The following NEO1 variants were observed in gnomAD, a reference collection of about 807,000 sequenced individuals.
NEO1 encodes the protein neogenin.
NEO1 carries 63 observed loss-of-function variants against 159.7 expected under a neutral mutation model. The ratio of observed to expected loss-of-function variants is 0.39; its 90% CI spans 0.32 to 0.49. The LOEUF is 0.49. Among genes scored for constraint, NEO1 ranks in the 20% least tolerant of loss-of-function variants. The pLI, the probability that NEO1 is intolerant of heterozygous loss-of-function variation, is 0.85. For missense variants in NEO1, 1,615 were observed against 1,831.0 expected (o/e 0.88, Z 2.15); for synonymous variants, 633 against 662.0 (o/e 0.96, Z 0.67).
intron 7 of NEO1, chr15:73,222,102 T>A (rs1160444470): frequency 3.2e-5 from 4 of 124,432 alleles, no homozygotes; most frequent in African/African-American, 6.0e-5. Context: ...TTTTTTTTTT[T>A]TTTTTTTTTT....
intron 7 of NEO1, among the ~76,000 whole-genome samples, chr15:73,201,035 A>G (rs1327573145): frequency 6.6e-6 from 1 of 151,950 alleles, no homozygotes; most frequent in Non-Finnish European, 1.5e-5. Context: ...CCTCTTTCAT[A>G]TCTGATATTA....
chr15:73,223,303 TC>T (rs1777028489), intron 7 of NEO1, among the ~76,000 whole-genome samples: 1 of 152,222 alleles, frequency 6.6e-6, no homozygotes, highest in African/African-American at 2.4e-5. Context: ...GTCCATTTGT[TC>T]CAAGGTATAG....
chr15:73,269,021 G>A (rs1355160639), intron 16 of NEO1, among the ~76,000 whole-genome samples: 1 of 152,214 alleles, frequency 6.6e-6, no homozygotes, highest in Non-Finnish European at 1.5e-5. Context: ...CCAGCATGGT[G>A]TCAGCTTACC....
intron 26 of NEO1, among the ~76,000 whole-genome samples, chr15:73,297,077 C>T (rs1336484293): frequency 1.3e-5 from 2 of 152,172 alleles, no homozygotes; most frequent in African/African-American, 2.4e-5. Context: ...CCATCCCTCT[C>T]CTCACAGGTG....
At chr15:73,154,550 G>T (rs2033635080) in intron 5 of NEO1, among the ~76,000 whole-genome samples, 1 of 152,118 alleles carries the variant, frequency 6.6e-6, no homozygotes, top group African/African-American at 2.4e-5. Context: ...GAGTTCAGTT[G>T]TTTTCATTTT....
In NEO1 at chr15:73,122,687, G is replaced by A; in HGVS notation, c.611G>A (p.Gly204Glu). The change falls in exon 3 of 29, where the codon GGA (glycine) becomes GAA (glutamate). Residue 204 changes from glycine to glutamate, a missense_variant. Physicochemically the swap from Gly to Glu is moderately conservative, Grantham distance 98. This residue lies in a region of NEO1 where 1,018 missense variants were observed against 1,115.4 expected (regional missense o/e 0.91). Transcript: ENST00000261908. ...GATAGAGTTATCAAACTTCCAAGTGGAATGCTGGTTATCAGCAATGCAACT... is the reference window on the plus strand; with the variant it reads ...GATAGAGTTATCAAACTTCCAAGTGAAATGCTGGTTATCAGCAATGCAACT... ...LDDRVIKLPSGMLVISNATEG... is the reference protein window; with the variant it reads ...LDDRVIKLPSEMLVISNATEG... The A allele has an allele frequency of 6.2e-7, 1 of 1,614,160 alleles. No individual in the cohort carries two copies. Among genetic ancestry groups the A allele is most frequent in the Non-Finnish European group, 8.5e-7 (1 of 1,180,022 alleles).
intron 5 of NEO1, among the ~76,000 whole-genome samples, chr15:73,165,555 CAT>C (rs1421726914): frequency 6.6e-6 from 1 of 152,138 alleles, no homozygotes; most frequent in African/African-American, 2.4e-5. Flanking sequence ...GGTACAAAAA[CAT>C]ATGTGGTACT....
chr15:73,299,309 T>C (rs962476009), intron 27 of NEO1, among the ~76,000 whole-genome samples: 4 of 152,184 alleles, frequency 2.6e-5, no homozygotes, highest in Non-Finnish European at 5.9e-5. Context: ...ATTTTTAAAG[T>C]ATTTTATTCA....
At chr15:73,135,114 C>G (rs1276110798) in intron 4 of NEO1, among the ~76,000 whole-genome samples, 1 of 152,122 alleles carries the variant, frequency 6.6e-6, no homozygotes, top group Non-Finnish European at 1.5e-5. Context: ...CTTTATATGT[C>G]TGATTTTGTT....
chr15:73,298,953 G>A (rs1043701823), intron 27 of NEO1, among the ~76,000 whole-genome samples: 1 of 152,128 alleles, frequency 6.6e-6, no homozygotes, highest in Admixed American at 6.5e-5. Flanking sequence ...ACCTCACTTC[G>A]TAAGGTCCCT....
At chr15:73,242,524 C>T (rs552466224) in intron 8 of NEO1, among the ~76,000 whole-genome samples, 18 of 152,050 alleles carry the variant, frequency 1.2e-4, no homozygotes, top group African/African-American at 3.9e-4. Flanking sequence ...AAAAATTAGC[C>T]GGGCGTGGTG....
At chr15:73,186,150 T>G (rs1327619133) in intron 7 of NEO1, among the ~76,000 whole-genome samples, 1 of 151,210 alleles carries the variant, frequency 6.6e-6, no homozygotes, top group Admixed American at 6.6e-5. Flanking sequence ...AAGATAAGAA[T>G]TGCAGCAGAC....
At chr15:73,180,259 C>A (rs549749272) in intron 7 of NEO1, among the ~76,000 whole-genome samples, 2 of 152,156 alleles carry the variant, frequency 1.3e-5, no homozygotes, top group South Asian at 2.1e-4. Context: ...CCTACTCTGG[C>A]TTTTCACTAA....
At chr15:73,082,044 T>C (rs2069081523) in intron 1 of NEO1, among the ~76,000 whole-genome samples, 1 of 152,024 alleles carries the variant, frequency 6.6e-6, no homozygotes, top group African/African-American at 2.4e-5. Flanking sequence ...CAGCTAATTA[T>C]TGTATTTTTA....
At chr15:73,078,764 A>G (rs936144915) in intron 1 of NEO1, among the ~76,000 whole-genome samples, 5 of 152,200 alleles carry the variant, frequency 3.3e-5, no homozygotes, top group African/African-American at 1.2e-4. Context: ...GGGTGTTTCT[A>G]AGGTCTTGGG....
rs116254559 is a variant in NEO1, at chr15:73,094,014, C to G, written c.131-22526C>G. 9.8e-3 allele frequency among the ~76,000 whole-genome samples: 1,495 copies of G among 152,254 alleles called. 33 individuals carry two copies. Among genetic ancestry groups the G allele is most frequent in the African/African-American group, 0.034 (1,420 of 41,538 alleles). On this transcript the variant is annotated intron_variant, in intron 1 of 28. Coordinates refer to ENST00000261908, the MANE Select transcript of NEO1 (RefSeq NM_002499.4). Reference sequence around the variant, plus strand: ...CAGACTCATCATTTGTATTTCTTGCCTAATTTTAGAATTAACCATTCCTTC... The same window carrying G: ...CAGACTCATCATTTGTATTTCTTGCGTAATTTTAGAATTAACCATTCCTTC...
At chr15:73,270,956 G>A (rs970921139) in intron 18 of NEO1, among the ~76,000 whole-genome samples, 1 of 152,244 alleles carries the variant, frequency 6.6e-6, no homozygotes, top group African/African-American at 2.4e-5. Flanking sequence ...CTGGGTTTGA[G>A]ATTCTGTTTG....
At chr15:73,096,553 C>G (rs928391045) in intron 1 of NEO1, among the ~76,000 whole-genome samples, 4 of 152,174 alleles carry the variant, frequency 2.6e-5, no homozygotes, top group African/African-American at 9.6e-5. Flanking sequence ...TGCTTATTGA[C>G]TTTTTGGAGG....
Position 73,251,708 on chromosome 15 carries a change from A to G in NEO1, c.1895-1692A>G, listed in dbSNP as rs577254911. Among the ~76,000 whole-genome samples the G allele has an allele frequency of 1.4e-3, 216 of 152,246 alleles. 1 individual carries two copies. The highest frequency in any genetic ancestry group is 3.7e-3 in the South Asian group (18 of 4,820). ...CATTAAGTGTGTTGGCATGTTGACT[A>G]CAGTACCTGTGGGAACTGAACACAT... On this transcript the variant is annotated intron_variant, in intron 11 of 28. Coordinates refer to ENST00000261908, the MANE Select transcript of NEO1 (RefSeq NM_002499.4).
Sources: allele counts gnomAD v4.1 joint callset (sites outside exome capture counted in the v4.1 genomes callset), GRCh38; gene constraint gnomAD v4.1.1; regional missense constraint gnomAD v4.1.1; transcripts MANE v1.5; gene names NCBI Gene and HGNC (gene_info 2026-07-23, HGNC 2026-07-21).